The following AGBL1 variants were observed in gnomAD, a reference collection of about 807,000 sequenced individuals.
The protein encoded by AGBL1 is AGBL carboxypeptidase 1.
A neutral mutation model predicts 118.9 loss-of-function variants in AGBL1; 130 were observed. The observed-to-expected ratio is 1.09, with a 90% CI of 0.95 to 1.26. The LOEUF (loss-of-function observed/expected upper bound fraction) is 1.26. Ranked by LOEUF, AGBL1 falls within the 50% of genes most tolerant of loss-of-function variation. AGBL1 has a pLI of 0.00. For missense variants in AGBL1, 1,584 were observed against 1,298.1 expected (o/e 1.22, Z -3.38); for synonymous variants, 555 against 478.9 (o/e 1.16, Z -2.08).
intron 22 of AGBL1, among the ~76,000 whole-genome samples, chr15:86,870,530 T>TG (rs2079711876): frequency 6.8e-6 from 1 of 146,400 alleles, no homozygotes; most frequent in South Asian, 2.2e-4. Flanking sequence ...CCTTTCCCTT[T>TG]GGCATTTAAA....
At chr15:86,221,617 G>A (rs1181975980) in intron 5 of AGBL1, among the ~76,000 whole-genome samples, 1 of 152,206 alleles carries the variant, frequency 6.6e-6, no homozygotes, top group Non-Finnish European at 1.5e-5. Flanking sequence ...ATGCACATGA[G>A]CGACTCGATG....
intron 21 of AGBL1, among the ~76,000 whole-genome samples, chr15:86,626,513 T>TGGGAGGAGG (rs1385632516): frequency 1.3e-5 from 2 of 151,984 alleles, no homozygotes; most frequent in Non-Finnish European, 2.9e-5. Flanking sequence ...GGCTGCAAGG[T>TGGGAGGAGG]GGGAGGAGGG....
rs573301652 is a variant in AGBL1, at chr15:86,211,477, G to A, written c.489-13437G>A. Reference sequence around the variant, plus strand: ...CTACAGAGGCAGCAGGCCTTGCAGCGCTGCGGTGAGCTCCACCCAGTTCAA... The same window carrying A: ...CTACAGAGGCAGCAGGCCTTGCAGCACTGCGGTGAGCTCCACCCAGTTCAA... On this transcript the variant is annotated intron_variant, in intron 5 of 22. Transcript: ENST00000614907. Among the ~76,000 whole-genome samples, 17 of 152,336 alleles carry A rather than the reference G, an allele frequency of 1.1e-4. No individual in the cohort carries two copies. In the South Asian group the frequency reaches 2.1e-3, roughly 19 times the overall value.
intron 18 of AGBL1, among the ~76,000 whole-genome samples, chr15:86,399,055 CT>C (rs1206967665): frequency 2.0e-5 from 3 of 152,112 alleles, no homozygotes; most frequent in Non-Finnish European, 4.4e-5. Context: ...AGCAGGGTTT[CT>C]TCTCTTTCTC....
intron 15 of AGBL1, among the ~76,000 whole-genome samples, chr15:86,273,842 G>A (rs1022338368): frequency 1.3e-5 from 2 of 152,132 alleles, no homozygotes; most frequent in African/African-American, 4.8e-5. Flanking sequence ...GTTTATAGAA[G>A]GGTGAAAGGA....
At chr15:86,117,901 G>T (rs1008329963) in intron 1 of AGBL1, among the ~76,000 whole-genome samples, 2 of 152,166 alleles carry the variant, frequency 1.3e-5, no homozygotes, top group Non-Finnish European at 2.9e-5. Flanking sequence ...GTTTAGAAAG[G>T]TTATGTGTAA....
chr15:86,587,986 A>G (rs2084278466), intron 21 of AGBL1, among the ~76,000 whole-genome samples: 1 of 152,188 alleles, frequency 6.6e-6, no homozygotes, highest in Non-Finnish European at 1.5e-5. Flanking sequence ...ACTGCTTTGT[A>G]TATGTATGCA....
chr15:86,776,264 G>A (rs2078254161), intron 22 of AGBL1, among the ~76,000 whole-genome samples: 1 of 152,072 alleles, frequency 6.6e-6, no homozygotes, highest in South Asian at 2.1e-4. Flanking sequence ...TTGTATAAAA[G>A]TTCTCTATGT....
intron 22 of AGBL1, among the ~76,000 whole-genome samples, chr15:86,807,606 C>G (rs759178731): frequency 1.4e-4 from 22 of 151,918 alleles, no homozygotes; most frequent in Non-Finnish European, 2.8e-4. Context: ...CTTGGAAGTC[C>G]TGGGTGTTGT....
chr15:86,215,560 G>A (rs866353801), intron 5 of AGBL1, among the ~76,000 whole-genome samples: 1 of 152,048 alleles, frequency 6.6e-6, no homozygotes, highest in South Asian at 2.1e-4. Flanking sequence ...TGGACAGCAG[G>A]TGTTAAGTAC....
intron 5 of AGBL1, among the ~76,000 whole-genome samples, chr15:86,204,420 C>T (rs749985638): frequency 6.6e-6 from 1 of 152,224 alleles, no homozygotes; most frequent in Non-Finnish European, 1.5e-5. Context: ...TGCAGAGCCC[C>T]CTACCTGTTA....
intron 21 of AGBL1, among the ~76,000 whole-genome samples, chr15:86,575,544 T>G (rs959083737): frequency 1.3e-5 from 2 of 151,976 alleles, no homozygotes; most frequent in Non-Finnish European, 2.9e-5. Flanking sequence ...AAATAAAAGC[T>G]AAAGCACAAA....
intron 24 of AGBL1, among the ~76,000 whole-genome samples, chr15:86,994,158 G>C (rs2081357860): frequency 6.6e-6 from 1 of 152,144 alleles, no homozygotes; most frequent in African/African-American, 2.4e-5. Context: ...ACTGAGTTTT[G>C]ATGGGAAATT....
chr15:86,712,240 C>T (rs564065800), intron 22 of AGBL1, among the ~76,000 whole-genome samples: 5 of 149,520 alleles, frequency 3.3e-5, no homozygotes, highest in Admixed American at 2.0e-4. Context: ...ATAATTAAAA[C>T]AAACAAAGCA....
chr15:86,919,602 A>G (rs898890759), downstream of AGBL1, among the ~76,000 whole-genome samples: 16 of 124,008 alleles, frequency 1.3e-4, no homozygotes, highest in Non-Finnish European at 1.9e-4. Flanking sequence ...ACACACACAC[A>G]CACACACACA....
intron 15 of AGBL1, among the ~76,000 whole-genome samples, chr15:86,279,133 CAT>C (rs1315043712): frequency 1.3e-5 from 2 of 152,154 alleles, no homozygotes; most frequent in African/African-American, 2.4e-5. Flanking sequence ...CATAAGATGA[CAT>C]ATGTTAAATG....
chr15:87,023,793 C>T (rs566472894), intron 24 of AGBL1, among the ~76,000 whole-genome samples: 1 of 151,944 alleles, frequency 6.6e-6, no homozygotes, highest in East Asian at 1.9e-4. Flanking sequence ...CTCTCTCAGA[C>T]CACAATGGAA....
At chr15:86,597,107 T>C (rs2084419792) in intron 21 of AGBL1, among the ~76,000 whole-genome samples, 1 of 149,888 alleles carries the variant, frequency 6.7e-6, no homozygotes, top group African/African-American at 2.5e-5. Context: ...GATTGATCTA[T>C]TGATCTGTCT....
At chr15:86,631,490 A>G (rs114899906) in intron 21 of AGBL1, among the ~76,000 whole-genome samples, 1,915 of 152,322 alleles carry the variant, frequency 0.013, 32 homozygotes, top group African/African-American at 0.038. Flanking sequence ...TTTACTGGGA[A>G]GACCTAAAGC....
Sources: gnomAD v4.1 joint callset for allele counts (sites outside exome capture counted in the v4.1 genomes callset) on GRCh38, gnomAD v4.1.1 for gene constraint, MANE v1.5 for transcripts, NCBI Gene and HGNC (gene_info 2026-07-23, HGNC 2026-07-21) for gene names.